NEDD9: variants seen among roughly 807,000 people sequenced by gnomAD.
The protein encoded by NEDD9 is enhancer of filamentation 1.
NEDD9 carries 26 observed loss-of-function variants against 76.6 expected under a neutral mutation model. That is an observed-to-expected ratio of 0.34 (90% CI 0.25 to 0.47). NEDD9 has a LOEUF of 0.47. NEDD9 is among the 20% of genes least tolerant of loss of function. NEDD9 has a pLI of 1.00. For synonymous variants in NEDD9, 392 were observed against 414.2 expected (o/e 0.95, Z 0.65); for missense variants, 937 against 1,058.5 (o/e 0.89, Z 1.59).
chr6:11,188,827 G>A (rs931495512), intron 5 of NEDD9, among the ~76,000 whole-genome samples: 1 of 152,110 alleles, frequency 6.6e-6, no homozygotes, highest in East Asian at 1.9e-4. Flanking sequence ...ACTTTCTTGC[G>A]CTTGAGGGAA....
intron 3 of NEDD9, chr6:11,305,368 C>G (rs956060108): frequency 3.4e-6 from 1 of 290,196 alleles, no homozygotes; most frequent in African/African-American, 2.2e-5. Flanking sequence ...AAGCAAGGAC[C>G]AAAATTCAGA....
intron 1 of NEDD9, among the ~76,000 whole-genome samples, chr6:11,374,078 GTA>G (rs1022195731): frequency 6.8e-6 from 1 of 147,938 alleles, no homozygotes; most frequent in East Asian, 2.0e-4. Context: ...ATATATATAT[GTA>G]TATATATACA....
intron 3 of NEDD9, among the ~76,000 whole-genome samples, chr6:11,296,679 C>CCCTTCCTT (rs529125193): frequency 0.054 from 5,004 of 92,750 alleles, 221 homozygotes; most frequent in African/African-American, 0.086. Flanking sequence ...CCTTTCCTTT[C>CCCTTCCTT]CCTTCCTTCC....
rs931319263 is a variant in NEDD9 at position 11,190,557 on chromosome 6, A to G, written c.1312T>C (p.Tyr438His). 1.2e-6 allele frequency: 2 copies of G among 1,614,078 alleles called. No individual in the cohort carries two copies. Among genetic ancestry groups the G allele is most frequent in the East Asian group, 4.5e-5 (2 of 44,888 alleles). The change falls in exon 5 of 7, where the codon TAC becomes CAC. Residue 438 changes from tyrosine (Y) to histidine (H), a missense_variant. Physicochemically the swap from Tyr to His is moderately conservative, Grantham distance 83. Coordinates refer to ENST00000379446, the MANE Select transcript of NEDD9 (RefSeq NM_006403.4). The surrounding 1 kb of genome is among the most constrained non-coding windows in gnomAD (Gnocchi z 5.8). ...TTGATGTGTCTTTCCATATATCCGT[A>G]ACACCGCCAGTCGGTAGTGACCAGT... ...MALVTTDWRCYGYMERHINEI... is the reference protein window; with the variant it reads ...MALVTTDWRCHGYMERHINEI...
At chr6:11,251,519 A>T (rs1035109989) in intron 3 of NEDD9, 1 of 152,182 alleles carries the variant, frequency 6.6e-6, no homozygotes, top group African/African-American at 2.4e-5. Flanking sequence ...GACTCACATC[A>T]GGATCTCAGT....
chr6:11,306,073 G>A, exon 3 of NEDD9: 3 of 1,579,686 alleles, frequency 1.9e-6, no homozygotes, highest in South Asian at 2.2e-5. Context: ...CTTCTGACCA[G>A]TTTCTTCGTT....
At chr6:11,295,986 T>G (rs747413913) in intron 3 of NEDD9, among the ~76,000 whole-genome samples, 1 of 152,098 alleles carries the variant, frequency 6.6e-6, no homozygotes, top group Non-Finnish European at 1.5e-5. Flanking sequence ...TGTTTAGAGA[T>G]AGGGTCTTCA....
At chr6:11,191,582 G>A (rs1758145779) in intron 4 of NEDD9, among the ~76,000 whole-genome samples, 1 of 152,146 alleles carries the variant, frequency 6.6e-6, no homozygotes, top group African/African-American at 2.4e-5. Context: ...TGCTGAATGA[G>A]CTGCATAGGC....
chr6:11,217,958 T>C (rs923154945), intron 1 of NEDD9, among the ~76,000 whole-genome samples: 33 of 152,228 alleles, frequency 2.2e-4, no homozygotes, highest in African/African-American at 7.5e-4. Context: ...CTCTCATCCT[T>C]ATTCTCCACT....
chr6:11,191,301 G>A (rs952911609), intron 4 of NEDD9, 96 bp from the exon 5 acceptor site: 4 of 1,339,942 alleles, frequency 3.0e-6, no homozygotes, highest in South Asian at 1.5e-5. Flanking sequence ...GCACTTTTTC[G>A]GTCGCCCTCC....
At chr6:11,313,321 G>A (rs911887878) in intron 2 of NEDD9, among the ~76,000 whole-genome samples, 3 of 151,794 alleles carry the variant, frequency 2.0e-5, no homozygotes, top group Non-Finnish European at 4.4e-5. Flanking sequence ...ATTAATGAAC[G>A]GATGGATGGG....
At chr6:11,246,865 G>A (rs557169911) in intron 3 of NEDD9, among the ~76,000 whole-genome samples, 3 of 152,250 alleles carry the variant, frequency 2.0e-5, no homozygotes, top group African/African-American at 7.2e-5. Flanking sequence ...CTCCAGTTAC[G>A]TGACTTAGGA....
chr6:11,360,765 C>G (rs1762666004), intron 1 of NEDD9, among the ~76,000 whole-genome samples: 1 of 152,160 alleles, frequency 6.6e-6, no homozygotes, highest in Non-Finnish European at 1.5e-5. Flanking sequence ...ATAAATTACC[C>G]AGTCTCAGGT....
At chr6:11,338,920 C>CA (rs34260918) in intron 1 of NEDD9, among the ~76,000 whole-genome samples, 2,803 of 77,446 alleles carry the variant, frequency 0.036, 56 homozygotes, top group Middle Eastern at 0.11. Context: ...GACTCTGTCT[C>CA]AAAAAAAAAA....
intron 2 of NEDD9, among the ~76,000 whole-genome samples, chr6:11,308,647 G>C (rs796768651): frequency 1.3e-5 from 2 of 152,116 alleles, no homozygotes; most frequent in South Asian, 2.1e-4. Flanking sequence ...GGGATTACAG[G>C]CGTGAGCCAC....
chr6:11,375,885 C>T (rs890631613), intron 1 of NEDD9, among the ~76,000 whole-genome samples: 7 of 152,060 alleles, frequency 4.6e-5, no homozygotes, highest in African/African-American at 7.3e-5. Flanking sequence ...AGTGCAGTGG[C>T]GTGATCTCGG....
intron 1 of NEDD9, among the ~76,000 whole-genome samples, chr6:11,230,887 T>C (rs1417790205): frequency 6.6e-6 from 1 of 152,226 alleles, no homozygotes; most frequent in Non-Finnish European, 1.5e-5. Context: ...CACGATGAGA[T>C]CATTGAATAA....
In NEDD9 at chr6:11,277,124, G is replaced by A. The variant is rs780859195; in HGVS notation, c.12+28868C>T. 4.6e-5 allele frequency among the ~76,000 whole-genome samples: 7 copies of A among 152,184 alleles called. No homozygotes were observed. The East Asian group carries it at 7.7e-4, about 17-fold the overall frequency. On this transcript the variant is annotated intron_variant, in intron 3 of 3. Transcript: ENST00000397378. Reference sequence around the variant, plus strand: ...ATGGTGCAGTGGCAAAGCATGGGGCGGAACTATCACGCTGCAAAGACATCC... The same window carrying A: ...ATGGTGCAGTGGCAAAGCATGGGGCAGAACTATCACGCTGCAAAGACATCC...
At chr6:11,336,716 C>T (rs919196730) in intron 1 of NEDD9, among the ~76,000 whole-genome samples, 1 of 152,210 alleles carries the variant, frequency 6.6e-6, no homozygotes, top group African/African-American at 2.4e-5. Flanking sequence ...ATAAATTACC[C>T]TTAGCTTACT....
Sources: allele counts gnomAD v4.1 joint callset (sites outside exome capture counted in the v4.1 genomes callset), GRCh38; gene constraint gnomAD v4.1.1; non-coding constraint Gnocchi (gnomAD v3.1); transcripts MANE v1.5; gene names NCBI Gene and HGNC (gene_info 2026-07-23, HGNC 2026-07-21).